ZNF804A: variants seen among roughly 807,000 people sequenced by gnomAD.
ZNF804A encodes the protein zinc finger protein 804A.
A neutral mutation model predicts 16.5 loss-of-function variants in ZNF804A; 2 were observed. The ratio of observed to expected loss-of-function variants is 0.12; its 90% CI spans 0.05 to 0.38. The LOEUF is 0.38. ZNF804A is among the 10% of genes least tolerant of loss of function. The pLI is 0.99. For synonymous variants in ZNF804A, 534 were observed against 489.6 expected, an observed-to-expected ratio of 1.09 and a Z score of -1.20; for missense variants, 1,473 against 1,390.7, an observed-to-expected ratio of 1.06 and a Z score of -0.94.
intron 1 of ZNF804A, among the ~76,000 whole-genome samples, chr2:184,695,473 A>AAAAG (rs1692816397): frequency 6.7e-6 from 1 of 150,374 alleles, no homozygotes; most frequent in African/African-American, 2.5e-5. Flanking sequence ...ATTAAAAAAA[A>AAAAG]AAAAAAAAAA....
At chr2:184,792,368 T>A (rs1443577972) in intron 1 of ZNF804A, among the ~76,000 whole-genome samples, 2 of 152,166 alleles carry the variant, frequency 1.3e-5, no homozygotes, top group African/African-American at 4.8e-5. Context: ...TTCTAATAGA[T>A]GTGTAGCAGT....
intron 2 of ZNF804A, among the ~76,000 whole-genome samples, chr2:184,899,324 A>T (rs1317565130): frequency 6.6e-6 from 1 of 152,060 alleles, no homozygotes; most frequent in East Asian, 1.9e-4. Flanking sequence ...CAGACTTGAG[A>T]GGCATAGAAG....
intron 1 of ZNF804A, among the ~76,000 whole-genome samples, chr2:184,604,187 T>TTTTTTTTA (rs1691098600): frequency 9.3e-6 from 1 of 108,086 alleles, no homozygotes; most frequent in Non-Finnish European, 1.8e-5. Flanking sequence ...TTTTTTTTTT[T>TTTTTTTTA]GAGACGGAGT....
chr2:184,848,429 T>G (rs1241478161), intron 1 of ZNF804A, among the ~76,000 whole-genome samples: 1 of 152,050 alleles, frequency 6.6e-6, no homozygotes, highest in Non-Finnish European at 1.5e-5. Context: ...TCTTCCTGAA[T>G]AAATTTTCTC....
intron 1 of ZNF804A, among the ~76,000 whole-genome samples, chr2:184,759,839 C>T (rs1212535181): frequency 6.6e-6 from 1 of 152,090 alleles, no homozygotes; most frequent in African/African-American, 2.4e-5. Flanking sequence ...CGCCAGAGAA[C>T]AACCCCTCTT....
At chr2:184,710,953 T>C (rs1460130934) in intron 1 of ZNF804A, among the ~76,000 whole-genome samples, 1 of 151,904 alleles carries the variant, frequency 6.6e-6, no homozygotes, top group East Asian at 1.9e-4. Flanking sequence ...TTGTCAATAA[T>C]GCTGCAATGA....
chr2:184,821,602 A>C (rs139733686), intron 1 of ZNF804A, among the ~76,000 whole-genome samples: 10 of 152,308 alleles, frequency 6.6e-5, no homozygotes, highest in African/African-American at 2.4e-4. Flanking sequence ...ACAGCAAAGG[A>C]AACTGTCATC....
intron 1 of ZNF804A, among the ~76,000 whole-genome samples, chr2:184,707,877 G>T (rs943418476): frequency 6.6e-6 from 1 of 152,046 alleles, no homozygotes; most frequent in Non-Finnish European, 1.5e-5. Flanking sequence ...GCTTTCCACA[G>T]TGGCTGAACT....
At chr2:184,873,758 A>G (rs1696010802) in intron 2 of ZNF804A, among the ~76,000 whole-genome samples, 1 of 152,158 alleles carries the variant, frequency 6.6e-6, no homozygotes, top group Non-Finnish European at 1.5e-5. Flanking sequence ...CTAAAGGCTT[A>G]TATGTGTATT....
At chr2:184,737,318 C>T (rs1331610267) in intron 1 of ZNF804A, among the ~76,000 whole-genome samples, 1 of 151,996 alleles carries the variant, frequency 6.6e-6, no homozygotes, top group African/African-American at 2.4e-5. Flanking sequence ...GCCCCGGCCT[C>T]CCAAAGTGCT....
chr2:184,836,494 A>G (rs1695347559), intron 1 of ZNF804A, among the ~76,000 whole-genome samples: 5 of 152,100 alleles, frequency 3.3e-5, no homozygotes. Context: ...GATAAATATA[A>G]CAGTAATTCT....
intron 1 of ZNF804A, among the ~76,000 whole-genome samples, chr2:184,807,814 C>CA (rs767229248): frequency 2.0e-5 from 3 of 151,490 alleles, no homozygotes; most frequent in East Asian, 1.9e-4. Flanking sequence ...CATATTAAGG[C>CA]ATTCATTTTT....
At chr2:184,920,206 C>A (rs1685508741) in intron 2 of ZNF804A, among the ~76,000 whole-genome samples, 1 of 152,160 alleles carries the variant, frequency 6.6e-6, no homozygotes, top group East Asian at 1.9e-4. Flanking sequence ...ATCTATAAAT[C>A]AGGCCTGAGT....
At chr2:184,647,372 A>C (rs1372584147) in intron 1 of ZNF804A, among the ~76,000 whole-genome samples, 1 of 152,254 alleles carries the variant, frequency 6.6e-6, no homozygotes, top group Non-Finnish European at 1.5e-5. Context: ...GGATCACATT[A>C]GATCTCTTAC....
intron 1 of ZNF804A, among the ~76,000 whole-genome samples, chr2:184,609,361 C>G (rs1364357318): frequency 6.6e-6 from 1 of 152,182 alleles, no homozygotes; most frequent in Middle Eastern, 3.2e-3. Flanking sequence ...TCAGAGTTCT[C>G]TCCTGACTCC....
intron 2 of ZNF804A, among the ~76,000 whole-genome samples, chr2:184,908,372 A>T (rs892388280): frequency 6.6e-6 from 1 of 151,788 alleles, no homozygotes; most frequent in Non-Finnish European, 1.5e-5. Flanking sequence ...ACTCAGACTC[A>T]CTCGTTGATT....
intron 1 of ZNF804A, among the ~76,000 whole-genome samples, chr2:184,632,552 C>T (rs1051274881): frequency 1.3e-5 from 2 of 152,110 alleles, no homozygotes; most frequent in Admixed American, 6.6e-5. Flanking sequence ...CGTGCCACCA[C>T]GCCTGGCTAA....
At chr2:184,602,770 A>G (rs1691070140) in intron 1 of ZNF804A, among the ~76,000 whole-genome samples, 1 of 151,670 alleles carries the variant, frequency 6.6e-6, no homozygotes, top group Non-Finnish European at 1.5e-5. Context: ...TAGAATTCAA[A>G]AGAATCAGTG....
chr2:184,897,610 G>T (rs531250914), intron 2 of ZNF804A, among the ~76,000 whole-genome samples: 4 of 152,062 alleles, frequency 2.6e-5, no homozygotes, highest in African/African-American at 9.6e-5. Context: ...TCTTCCTAGG[G>T]AATTTGATCT....
Sources: gnomAD v4.1 joint callset for allele counts (sites outside exome capture counted in the v4.1 genomes callset) on GRCh38, gnomAD v4.1.1 for gene constraint, MANE v1.5 for transcripts, NCBI Gene and HGNC (gene_info 2026-07-23, HGNC 2026-07-21) for gene names.